The following PACSIN1 variants were observed in gnomAD, a reference collection of about 807,000 sequenced individuals.
PACSIN1 encodes protein kinase C and casein kinase substrate in neurons protein 1.
A neutral mutation model predicts 59.5 loss-of-function variants in PACSIN1; 15 were observed. The ratio of observed to expected loss-of-function variants is 0.25; its 90% CI spans 0.17 to 0.39. PACSIN1 has a LOEUF of 0.39. Ranked by LOEUF, PACSIN1 falls within the 10% of genes least tolerant of loss-of-function variation. PACSIN1 has a pLI of 1.00. For missense variants in PACSIN1, 420 were observed against 580.2 expected, an observed-to-expected ratio of 0.72 and a Z score of 2.84; for synonymous variants, 210 against 220.6, an observed-to-expected ratio of 0.95 and a Z score of 0.42.
intron 1 of PACSIN1, among the ~76,000 whole-genome samples, chr6:34,483,001 C>CA (rs1766742647): frequency 8.9e-6 from 1 of 112,018 alleles, no homozygotes; most frequent in Non-Finnish European, 1.7e-5. Context: ...CCATGTTTAA[C>CA]TTTTTTTTTT....
Position 34,521,775 on chromosome 6 carries a change from C to T in PACSIN1, c.-63-4468C>T, listed in dbSNP as rs547323271. Among the ~76,000 whole-genome samples, 14 of 151,978 alleles carry T rather than the reference C, an allele frequency of 9.2e-5. No individual in the cohort carries two copies. The highest frequency in any genetic ancestry group is 7.9e-4 in the Admixed American group (12 of 15,274). On this transcript the variant is annotated intron_variant, in intron 1 of 9. Coordinates refer to ENST00000244458, the MANE Select transcript of PACSIN1 (RefSeq NM_020804.5). The surrounding 1 kb of genome is among the most constrained non-coding windows in gnomAD (Gnocchi z 4.3). ...TGTGGAGAGCTCGCCGTGTGTCAGGCGCGGTCCAGTGGCCCGAGGTCTAGT... is the reference window on the plus strand; with the variant it reads ...TGTGGAGAGCTCGCCGTGTGTCAGGTGCGGTCCAGTGGCCCGAGGTCTAGT...
chr6:34,491,634 G>A (rs917236133), intron 1 of PACSIN1, among the ~76,000 whole-genome samples: 3 of 150,266 alleles, frequency 2.0e-5, no homozygotes, highest in Non-Finnish European at 4.4e-5. Context: ...TTTTTGAGGC[G>A]AAGTTTCGCT....
At chr6:34,477,408 AG>A (rs1766654379) in intron 1 of PACSIN1, among the ~76,000 whole-genome samples, 1 of 150,794 alleles carries the variant, frequency 6.6e-6, no homozygotes, top group African/African-American at 2.4e-5. Flanking sequence ...AAAAGAAGAA[AG>A]AAAGAAAGAA....
rs1305374381 is a variant in PACSIN1, at chr6:34,529,651, C to T, written c.613-15C>T. 6 of 1,613,526 alleles carry T rather than the reference C, an allele frequency of 3.7e-6. No individual in the cohort carries two copies. In the African/African-American group the frequency reaches 4.0e-5, roughly 11 times the overall value. ...CTGGCTAGGTGTCACCCTCTCTCCA[C>T]TCTGGTGCCCACAGACACAGGAGAA... On this transcript the variant is annotated splice_polypyrimidine_tract_variant and intron_variant, in intron 5 of 9. Coordinates refer to ENST00000244458, the MANE Select transcript of PACSIN1 (RefSeq NM_020804.5). This position sits in a 1 kb window ranked among gnomAD's most constrained non-coding sequence, Gnocchi z 6.3.
In PACSIN1 at chr6:34,514,404, C is replaced by T. The variant is rs149963306; in HGVS notation, c.-63-11839C>T. 1.3e-5 allele frequency among the ~76,000 whole-genome samples: 2 copies of T among 152,268 alleles called. No homozygotes were observed. The highest frequency in any genetic ancestry group is 4.8e-5 in the African/African-American group (2 of 41,550). ...CGAGGTTGTGCATGAGCATCTCTCA[C>T]ACTCAGCCTGGCCTAGAAAAAACTC... On this transcript the variant is annotated intron_variant, in intron 1 of 9. Transcript: ENST00000244458. The surrounding 1 kb of genome is among the most constrained non-coding windows in gnomAD (Gnocchi z 4.4).
rs1767587870 is a variant in PACSIN1 at position 34,531,208 on chromosome 6, A to T, written c.1038-392A>T. ...GTGCGTAAATATTACCATTTTACAGATGGAGAAACTGAAACCCAGACAGGT... is the reference window on the plus strand; with the variant it reads ...GTGCGTAAATATTACCATTTTACAGTTGGAGAAACTGAAACCCAGACAGGT... On this transcript the variant is annotated intron_variant, in intron 8 of 9. Coordinates refer to ENST00000244458, the MANE Select transcript of PACSIN1 (RefSeq NM_020804.5). This position sits in a 1 kb window ranked among gnomAD's most constrained non-coding sequence, Gnocchi z 4.4. Among the ~76,000 whole-genome samples the T allele has an allele frequency of 6.6e-6, 1 of 152,206 alleles. No individual in the cohort carries two copies. The highest frequency in any genetic ancestry group is 2.4e-5 in the African/African-American group (1 of 41,450).
rs988636898 is a variant in PACSIN1, at chr6:34,525,923, C to T, written c.-63-320C>T. ...CCCGGGGCTCAGATAACTGAGGAGG[C>T]GCTGAGCCTGGGCTCCAACAGTCCA... On this transcript the variant is annotated intron_variant, in intron 1 of 9. Coordinates refer to ENST00000244458, the MANE Select transcript of PACSIN1 (RefSeq NM_020804.5). This position sits in a 1 kb window ranked among gnomAD's most constrained non-coding sequence, Gnocchi z 4.9. Among the ~76,000 whole-genome samples, 6 of 152,026 alleles carry T rather than the reference C, an allele frequency of 3.9e-5. No homozygotes were observed. Among genetic ancestry groups the T allele is most frequent in the Non-Finnish European group, 8.8e-5 (6 of 67,986 alleles).
intron 1 of PACSIN1, among the ~76,000 whole-genome samples, chr6:34,492,705 T>C (rs1766896174): frequency 6.6e-6 from 1 of 152,192 alleles, no homozygotes; most frequent in African/African-American, 2.4e-5. Flanking sequence ...TCTAGTGAAT[T>C]AATGCATGAA....
In PACSIN1 at chr6:34,518,995, G is replaced by A. The variant is rs1767340364; in HGVS notation, c.-63-7248G>A. Among the ~76,000 whole-genome samples, 1 of 152,148 alleles carries A rather than the reference G, an allele frequency of 6.6e-6. No individual in the cohort carries two copies. Among genetic ancestry groups the A allele is most frequent in the Non-Finnish European group, 1.5e-5 (1 of 68,024 alleles). On this transcript the variant is annotated intron_variant, in intron 1 of 9. Coordinates refer to ENST00000244458, the MANE Select transcript of PACSIN1 (RefSeq NM_020804.5). This position sits in a 1 kb window ranked among gnomAD's most constrained non-coding sequence, Gnocchi z 4.4. ...CAGGGGAGGGATGTGGGCCTTTTGG[G>A]GTGATTTTCTGGAGGAGAGAGAGAG...
At chr6:34,487,158 G>T (rs1191300431) in intron 1 of PACSIN1, among the ~76,000 whole-genome samples, 1 of 152,186 alleles carries the variant, frequency 6.6e-6, no homozygotes, top group Non-Finnish European at 1.5e-5. Flanking sequence ...GTGATGGAGT[G>T]AGACCCTGTC....
At chr6:34,474,790 GAAAA>G (rs60232588) in intron 1 of PACSIN1, among the ~76,000 whole-genome samples, 4 of 78,342 alleles carry the variant, frequency 5.1e-5, no homozygotes, top group South Asian at 1.1e-3. Context: ...CTCTGTCTCA[GAAAA>G]AAAAAAAAAA....
intron 1 of PACSIN1, among the ~76,000 whole-genome samples, chr6:34,523,976 C>A (rs1469862803): frequency 6.6e-6 from 1 of 152,220 alleles, no homozygotes; most frequent in Non-Finnish European, 1.5e-5. Context: ...GTCATTTCGT[C>A]CTCATTTCCC....
rs1374701901 is a variant in PACSIN1, at chr6:34,515,774, T to C, written c.-63-10469T>C. On this transcript the variant is annotated intron_variant, in intron 1 of 9. Coordinates refer to ENST00000244458, the MANE Select transcript of PACSIN1 (RefSeq NM_020804.5). This position sits in a 1 kb window ranked among gnomAD's most constrained non-coding sequence, Gnocchi z 4.4. ...GCCTCTGATGGGGTGGGAGTGCCTGTGGCCCTCCCTCCTGCGCTCCCTGTC... is the reference window on the plus strand; with the variant it reads ...GCCTCTGATGGGGTGGGAGTGCCTGCGGCCCTCCCTCCTGCGCTCCCTGTC... Among the ~76,000 whole-genome samples, 1 of 152,216 alleles carries C rather than the reference T, an allele frequency of 6.6e-6. No individual in the cohort carries two copies. Among genetic ancestry groups the C allele is most frequent in the Non-Finnish European group, 1.5e-5 (1 of 68,032 alleles).
intron 1 of PACSIN1, among the ~76,000 whole-genome samples, chr6:34,486,973 C>T (rs761791487): frequency 3.4e-5 from 5 of 146,248 alleles, no homozygotes; most frequent in Non-Finnish European, 7.4e-5. Flanking sequence ...TTGAGACCAG[C>T]GTGGGCAACA....
At position 34,518,496 on chromosome 6, in the gene PACSIN1, G is replaced by T. The variant is rs891235018; in HGVS notation, c.-63-7747G>T. ...GGGCATCTCACTTTGGGCTCCCCGA[G>T]AAGCCAACCCCAAGACAAGGATATG... On this transcript the variant is annotated intron_variant, in intron 1 of 9. Transcript: ENST00000244458. This position sits in a 1 kb window ranked among gnomAD's most constrained non-coding sequence, Gnocchi z 4.4. Among the ~76,000 whole-genome samples, 1 of 152,210 alleles carries T rather than the reference G, an allele frequency of 6.6e-6. No homozygotes were observed. The highest frequency in any genetic ancestry group is 1.5e-5 in the Non-Finnish European group (1 of 68,026).
At chr6:34,495,969 T>A (rs745684091) in intron 1 of PACSIN1, among the ~76,000 whole-genome samples, 8 of 152,150 alleles carry the variant, frequency 5.3e-5, no homozygotes, top group Non-Finnish European at 1.2e-4. Flanking sequence ...ACTCAACTGT[T>A]TACAGGCCCC....
chr6:34,512,023 T>C (rs992493721), intron 1 of PACSIN1, among the ~76,000 whole-genome samples: 3 of 151,960 alleles, frequency 2.0e-5, no homozygotes, highest in African/African-American at 7.3e-5. Context: ...GAGCTGAGGT[T>C]GGGCATGGAG....
rs969915246 is a variant in PACSIN1 at position 34,525,502 on chromosome 6, G to C, written c.-63-741G>C. Among the ~76,000 whole-genome samples, 53 of 152,226 alleles carry C rather than the reference G, an allele frequency of 3.5e-4. No homozygotes were observed. Among genetic ancestry groups the C allele is most frequent in the African/African-American group, 1.2e-3 (51 of 41,458 alleles). On this transcript the variant is annotated intron_variant, in intron 1 of 9. Coordinates refer to ENST00000244458, the MANE Select transcript of PACSIN1 (RefSeq NM_020804.5). The surrounding 1 kb of genome is among the most constrained non-coding windows in gnomAD (Gnocchi z 4.9). ...TGCAGAAGCAGGGAGGTGTCCCCTG[G>C]TGCCGGGATCCAGCTAGAGGCTGGC...
In PACSIN1 at chr6:34,530,653, G is replaced by T; in HGVS notation, c.1037+66G>T. On this transcript the variant is annotated intron_variant, in intron 8 of 9. Transcript: ENST00000244458. The surrounding 1 kb of genome is among the most constrained non-coding windows in gnomAD (Gnocchi z 4.4). ...CCACACTCTGGGGCAGCTGAGTTTT[G>T]CTTCAGAAGACAAGAAATGGTCTAG... 5 of 1,449,508 alleles carry T rather than the reference G, an allele frequency of 3.4e-6. No homozygotes were observed. The South Asian group carries it at 6.0e-5, about 18-fold the overall frequency. 89.8% of individuals were successfully genotyped at this position (1,449,508 alleles called of 1,614,324 possible).
Sources: allele counts gnomAD v4.1 joint callset (sites outside exome capture counted in the v4.1 genomes callset), GRCh38; gene constraint gnomAD v4.1.1; non-coding constraint Gnocchi (gnomAD v3.1); transcripts MANE v1.5; gene names NCBI Gene and HGNC (gene_info 2026-07-23, HGNC 2026-07-21).